ZNF469: variants seen among roughly 807,000 people sequenced by gnomAD.
The protein encoded by ZNF469 is zinc finger protein 469.
In ZNF469, 1 loss-of-function variant was observed where a neutral mutation model predicts 1.0. That is an observed-to-expected ratio of 1.00 (90% CI 0.35 to 4.73). The LOEUF is 4.73. Ranked by LOEUF, ZNF469 falls within the 30% of genes most tolerant of loss-of-function variation. The pLI, the probability that ZNF469 is intolerant of heterozygous loss-of-function variation, is 0.16. For synonymous variants in ZNF469, 2,703 were observed against 2,363.4 expected, an observed-to-expected ratio of 1.14 and a Z score of -4.17; for missense variants, 6,100 against 5,356.3, an observed-to-expected ratio of 1.14 and a Z score of -4.33.
chr16:88,212,135 C>A, the ZNF469 span, among the ~76,000 whole-genome samples: 2 of 152,118 alleles, frequency 1.3e-5, no homozygotes, highest in Admixed American at 6.5e-5. Context: ...GTCTGGAGGA[C>A]CCAAGCATTT....
chr16:88,153,778 G>A, the ZNF469 span, among the ~76,000 whole-genome samples: 5 of 152,300 alleles, frequency 3.3e-5, no homozygotes, highest in South Asian at 2.1e-4. Context: ...TGCGGATGGC[G>A]TCTCCTCCCC....
the ZNF469 span, among the ~76,000 whole-genome samples, chr16:88,305,911 G>A: frequency 2.1e-4 from 32 of 151,632 alleles, no homozygotes; most frequent in African/African-American, 2.9e-4. Context: ...CATGCACACC[G>A]ATATTCTCAT....
chr16:88,426,918 C>G (rs1168458102), intron 2 of ZNF469, among the ~76,000 whole-genome samples: 1 of 152,140 alleles, frequency 6.6e-6, no homozygotes, highest in Non-Finnish European at 1.5e-5. Flanking sequence ...TCCACCTGGG[C>G]CCTCCTGGAC....
chr16:88,349,851 A>ACCTTACATACTAACATGC, the ZNF469 span, among the ~76,000 whole-genome samples: 1 of 148,188 alleles, frequency 6.7e-6, no homozygotes, highest in East Asian at 2.2e-4. Context: ...CACCACACAC[A>ACCTTACATACTAACATGC]AGTGCACACA....
intron 1 of ZNF469, among the ~76,000 whole-genome samples, chr16:88,416,119 G>A (rs927339712): frequency 5.3e-5 from 8 of 152,316 alleles, no homozygotes; most frequent in African/African-American, 9.6e-5. Flanking sequence ...ACCAGGCGTC[G>A]CAGAAACCCA....
intron 2 of ZNF469, among the ~76,000 whole-genome samples, chr16:88,427,053 C>T (rs1449458855): frequency 6.6e-6 from 1 of 152,144 alleles, no homozygotes; most frequent in African/African-American, 2.4e-5. Context: ...CCTCACACCC[C>T]AGAAAGCTCC....
At chr16:88,305,908 AC>A in the ZNF469 span, among the ~76,000 whole-genome samples, 1 of 152,166 alleles carries the variant, frequency 6.6e-6, no homozygotes, top group East Asian at 1.9e-4. Flanking sequence ...TCTCATGCAC[AC>A]CGATATTCTC....
chr16:88,417,380 G>C (rs1905330931), intron 1 of ZNF469, among the ~76,000 whole-genome samples: 1 of 152,298 alleles, frequency 6.6e-6, no homozygotes, highest in Admixed American at 6.5e-5. Context: ...CCCCGTCTTT[G>C]GATTTTAAAG....
chr16:88,332,794 C>T, the ZNF469 span, among the ~76,000 whole-genome samples: 17 of 152,328 alleles, frequency 1.1e-4, no homozygotes. Context: ...GCAAACCCTT[C>T]CCACAAGACT....
At chr16:88,228,255 G>T in the ZNF469 span, among the ~76,000 whole-genome samples, 1 of 152,396 alleles carries the variant, frequency 6.6e-6, no homozygotes, top group East Asian at 1.9e-4. Flanking sequence ...GGTGCTGCCT[G>T]CCGGCTTCGC....
At chr16:88,240,038 G>A in the ZNF469 span, among the ~76,000 whole-genome samples, 5 of 150,528 alleles carry the variant, frequency 3.3e-5, no homozygotes, top group Admixed American at 1.3e-4. Context: ...TGTGCTCGGG[G>A]CCATCGATCC....
the ZNF469 span, among the ~76,000 whole-genome samples, chr16:88,317,201 G>A: frequency 1.3e-5 from 2 of 152,214 alleles, no homozygotes; most frequent in African/African-American, 4.8e-5. Context: ...TGTCAGGCAG[G>A]GTGGGGAGCC....
chr16:88,399,938 A>G (rs1436210428), intron 1 of ZNF469, among the ~76,000 whole-genome samples: 1 of 152,240 alleles, frequency 6.6e-6, no homozygotes, highest in Non-Finnish European at 1.5e-5. Context: ...GGCAGACACC[A>G]GGAGCTCTGG....
chr16:88,321,334 G>GT, the ZNF469 span, among the ~76,000 whole-genome samples: 1 of 152,382 alleles, frequency 6.6e-6, no homozygotes, highest in Admixed American at 6.5e-5. Flanking sequence ...GTTTTTGCCC[G>GT]TAAGGCCTTG....
the ZNF469 span, among the ~76,000 whole-genome samples, chr16:88,138,649 C>A: frequency 6.6e-6 from 1 of 152,180 alleles, no homozygotes; most frequent in Non-Finnish European, 1.5e-5. Flanking sequence ...ACCAGATTAA[C>A]CTCTAAATCC....
At position 88,439,116 on chromosome 16, in the gene ZNF469, G is replaced by C. The variant is rs534962147; in HGVS notation, c.11646G>C (p.Pro3882=). 1.3e-6 allele frequency: 2 copies of C among 1,550,818 alleles called. No homozygotes were observed. The highest frequency in any genetic ancestry group is 2.7e-5 in the African/African-American group (2 of 73,056). Residue 3882 remains proline (P), a synonymous_variant, in exon 3 of 3, where the codon CCG becomes CCC. Transcript: ENST00000565624. ...CATCAGAGCAGCGGAAGGCAGAGCCGGGCCACACACAGAGGAAGGACAGAC... is the reference window on the plus strand; with the variant it reads ...CATCAGAGCAGCGGAAGGCAGAGCCCGGCCACACACAGAGGAAGGACAGAC... The part of the protein sequence containing the change: ...PPPSEQRKAE[P]GHTQRKDRLG...
At chr16:88,406,464 T>C (rs1445674005) in intron 1 of ZNF469, among the ~76,000 whole-genome samples, 1 of 152,206 alleles carries the variant, frequency 6.6e-6, no homozygotes, top group Non-Finnish European at 1.5e-5. Flanking sequence ...GGGCTGCCCA[T>C]GGCCAGGGTC....
the ZNF469 span, among the ~76,000 whole-genome samples, chr16:88,167,998 G>A: frequency 1.3e-5 from 2 of 152,256 alleles, no homozygotes; most frequent in Non-Finnish European, 2.9e-5. Flanking sequence ...CAGTTTGGCG[G>A]GCGGGTCCCC....
the ZNF469 span, among the ~76,000 whole-genome samples, chr16:88,239,383 G>C: frequency 6.6e-6 from 1 of 152,134 alleles, no homozygotes; most frequent in South Asian, 2.1e-4. Flanking sequence ...TTATATAAAA[G>C]GTGCCAAGAA....
Sources: gnomAD v4.1 joint callset for allele counts (sites outside exome capture counted in the v4.1 genomes callset) on GRCh38, gnomAD v4.1.1 for gene constraint, MANE v1.5 for transcripts, NCBI Gene and HGNC (gene_info 2026-07-23, HGNC 2026-07-21) for gene names.